ACY1: variants seen among roughly 807,000 people sequenced by gnomAD.
ACY1 encodes aminoacylase 1.
In ACY1, 38 loss-of-function variants were observed where a neutral mutation model predicts 53.3. That is an observed-to-expected ratio of 0.71 (90% CI 0.55 to 0.93). The LOEUF (loss-of-function observed/expected upper bound fraction) is 0.93. Ranked by LOEUF, ACY1 falls within the 40% of genes least tolerant of loss-of-function variation. The pLI, the probability that ACY1 is intolerant of heterozygous loss-of-function variation, is 0.00. For missense variants in ACY1, 484 were observed against 540.9 expected, an observed-to-expected ratio of 0.89 and a Z score of 1.04; for synonymous variants, 177 against 202.1, an observed-to-expected ratio of 0.88 and a Z score of 1.05.
rs780639025 is a variant in ACY1, at chr3:51,984,371, A to G, written c.94+213A>G. The G allele has an allele frequency of 3.7e-4, 231 of 619,396 alleles. 1 individual carries two copies. The highest frequency in any genetic ancestry group is 1.5e-3 in the Admixed American group (60 of 39,582). The allele number at this position is 619,396 out of a possible 1,614,324, so 38.4% of individuals were successfully genotyped here. A position where few individuals can be genotyped will look rare whatever the true frequency, so the allele number is the denominator to read the frequency against. On this transcript the variant is annotated intron_variant, in intron 2 of 14. Coordinates refer to ENST00000636358, the MANE Select transcript of ACY1 (RefSeq NM_000666.3). ...TCCCCAGAGACTCTGCTGCTGACCA[A>G]GGTTACTCCTGGCAGCTGGTTAAAG...
In ACY1 at chr3:51,986,266, C is replaced by T; in HGVS notation, c.371C>T (p.Ala124Val). The change falls in exon 6 of 15, where the codon GCT becomes GTT. Residue 124 changes from alanine (A) to valine (V), a missense_variant. Transcript: ENST00000636358. ...MKCVSIQYLEAVRRLKVEGHR... is the reference protein window; with the variant it reads ...MKCVSIQYLEVVRRLKVEGHR... ...TTATGCCCCCTCAGGTACCTGGAAG[C>T]TGTGAGGAGGCTGAAGGTGGAGGGC... 1.2e-6 allele frequency: 2 copies of T among 1,608,824 alleles called. No individual in the cohort carries two copies. The highest frequency in any genetic ancestry group is 1.7e-6 in the Non-Finnish European group (2 of 1,177,538).
At chr3:51,988,179 A>T (rs1701142653) in intron 12 of ACY1, 1 of 417,694 alleles carries the variant, frequency 2.4e-6, no homozygotes, top group Non-Finnish European at 4.5e-6. Flanking sequence ...CTTTCATATA[A>T]CCCATGTGGT....
rs1157436073 is a variant in ACY1 at position 51,988,423 on chromosome 3, G to A, written c.922-101G>A. 5.9e-6 allele frequency: 6 copies of A among 1,008,772 alleles called. No homozygotes were observed. The Admixed American group carries it at 7.4e-5, about 12-fold the overall frequency. 62.5% of individuals were successfully genotyped at this position (1,008,772 alleles called of 1,614,324 possible). A position where few individuals can be genotyped will look rare whatever the true frequency, so the allele number is the denominator to read the frequency against. ...GATGTCTGGGTAGGTGAAGGAGTGG[G>A]GGTGGGGAGGTGTTATGTACTAGGC... is the stretch of plus-strand genomic sequence containing the variant. On this transcript the variant is annotated intron_variant, in intron 12 of 14. Coordinates refer to ENST00000636358, the MANE Select transcript of ACY1 (RefSeq NM_000666.3).
At chr3:51,985,995 T>C in intron 5 of ACY1, 49 bp downstream of exon 5, 1 of 1,547,254 alleles carries the variant, frequency 6.5e-7, no homozygotes, top group East Asian at 2.3e-5. Context: ...ACTGGTCCAG[T>C]GGATTGAAGC....
intron 13 of ACY1, 36 bp downstream of exon 13, chr3:51,988,639 C>G (rs751274835): frequency 5.4e-5 from 86 of 1,603,690 alleles, no homozygotes; most frequent in Non-Finnish European, 7.3e-5. Flanking sequence ...ACAGCCCAGC[C>G]CCCTACTCCT....
chr3:51,984,245 G>C (rs1256144776), intron 2 of ACY1, 87 bp downstream of exon 2: 2 of 1,273,892 alleles, frequency 1.6e-6, no homozygotes, highest in African/African-American at 2.9e-5. Flanking sequence ...CTGTCACCCA[G>C]CTGAGCCCCA....
chr3:51,985,120 C>T (rs1398172544), intron 2 of ACY1, 87 bp from the exon 3 acceptor site: 1 of 1,347,594 alleles, frequency 7.4e-7, no homozygotes. Flanking sequence ...CAGCCCATTT[C>T]TGGGTATGCT....
rs1701164669 is a variant in ACY1, at chr3:51,988,784, T to C, written c.1020T>C (p.Pro340=). Residue 340 remains proline, a synonymous_variant, in exon 14 of 15, where the codon CCT becomes CCC. Transcript: ENST00000636358. ...CCTACAGGAACCTCACTCTGGAGCC[T>C]GAGATCATGCCTGCTGCCACTGACA... ...VCKDMNLTLE[P]EIMPAATDNR... 1.2e-6 allele frequency: 2 copies of C among 1,609,546 alleles called. No homozygotes were observed. The highest frequency in any genetic ancestry group is 1.7e-6 in the Non-Finnish European group (2 of 1,175,912).
In ACY1 at chr3:51,984,251, C is replaced by G. The variant is rs1231845855; in HGVS notation, c.94+93C>G. ...CTCCAACCCCTGTCACCCAGCTGAG[C>G]CCCACTCTGCTGTCCCAAATGGCTC... On this transcript the variant is annotated intron_variant, in intron 2 of 14. Transcript: ENST00000636358. 3.4e-6 allele frequency: 4 copies of G among 1,186,460 alleles called. No homozygotes were observed. The East Asian group carries it at 1.0e-4, about 30-fold the overall frequency. The allele number at this position is 1,186,460 out of a possible 1,614,324, so 73.5% of individuals were successfully genotyped here.
chr3:51,987,589 G>C lies in ACY1; in HGVS notation c.886G>C (p.Ala296Pro), dbSNP rs771834533. 6.2e-7 allele frequency: 1 copy of C among 1,614,132 alleles called. No individual in the cohort carries two copies. ...GGAGCAGCTGCAGAGCTGGTGCCAG[G>C]CAGCTGGCGAGGGGGTCACCCTAGA... is the stretch of plus-strand genomic sequence containing the variant. ...FEEQLQSWCQ[A>P]AGEGVTLEFA... The change falls in exon 12 of 15, where the codon GCA becomes CCA. Residue 296 changes from alanine (A) to proline (P), a missense_variant. Coordinates refer to ENST00000636358, the MANE Select transcript of ACY1 (RefSeq NM_000666.3).
Position 51,984,083 on chromosome 3 carries a change from G to T in ACY1, c.19G>T (p.Glu7Ter). MTSKGP[E>*]EEHPSVTLFR... is the part of the protein sequence containing the mutation. Reference sequence around the variant, plus strand: ...CAGCGCCATGACCAGCAAGGGTCCCGAGGAGGAGCACCCATCGGTGACGCT... The same window carrying T: ...CAGCGCCATGACCAGCAAGGGTCCCTAGGAGGAGCACCCATCGGTGACGCT... Residue 7 changes from glutamate to a stop codon, truncating the protein, a stop_gained, in exon 2 of 15, where the codon GAG becomes TAG. Coordinates refer to ENST00000636358, the MANE Select transcript of ACY1 (RefSeq NM_000666.3). LOFTEE classifies it high-confidence loss of function. The T allele has an allele frequency of 6.2e-7, 1 of 1,613,488 alleles. No homozygotes were observed.
In ACY1 at chr3:51,985,601, C is replaced by T. The variant is rs1021261854; in HGVS notation, c.264+136C>T. ...AACTCTCAACATCCTTATGACATTA[C>T]ACCACTCAAGCAGCCTTCATCCAGC... is the stretch of plus-strand genomic sequence containing the variant. On this transcript the variant is annotated intron_variant, in intron 4 of 14. Coordinates refer to ENST00000636358, the MANE Select transcript of ACY1 (RefSeq NM_000666.3). 7 of 901,562 alleles carry T rather than the reference C, an allele frequency of 7.8e-6. No individual in the cohort carries two copies. The East Asian group carries it at 1.6e-4, about 20-fold the overall frequency. 55.8% of individuals were successfully genotyped at this position (901,562 alleles called of 1,614,324 possible).
At chr3:51,986,931 G>T in intron 8 of ACY1, 57 bp from the exon 9 acceptor site, 1 of 1,581,920 alleles carries the variant, frequency 6.3e-7, no homozygotes, top group African/African-American at 1.3e-5. Context: ...ACCCCAGGCT[G>T]ATTGTGTCTC....
At position 51,984,145 on chromosome 3, in the gene ACY1, C is replaced by G. The variant is rs141824939; in HGVS notation, c.81C>G (p.Pro27=). The change falls in exon 2 of 15, where the codon CCC becomes CCG. Residue 27 remains proline, a synonymous_variant. Coordinates refer to ENST00000636358, the MANE Select transcript of ACY1 (RefSeq NM_000666.3). ...RQYLRIRTVQ[P]KPDYGAAVAF... is the part of the protein sequence containing the mutation. ...ACCTGCGTATCCGCACTGTCCAGCC[C>G]AAGCCTGACTATGGTGAGAAGACGG... 4,793 of 1,613,960 alleles carry G rather than the reference C, an allele frequency of 3.0e-3. 15 individuals are homozygous for G. Among genetic ancestry groups the G allele is most frequent in the Non-Finnish European group, 3.0e-3 (3,588 of 1,179,992 alleles).
chr3:51,986,859 G>T, intron 8 of ACY1, 129 bp from the exon 9 acceptor site: 1 of 1,247,582 alleles, frequency 8.0e-7, no homozygotes. Flanking sequence ...TGTATGCTAC[G>T]GGCCCTGAGT....
Position 51,986,671 on chromosome 3 carries a change from A to G in ACY1, c.583+10A>G. ...GAGCGGAGTCCCTGGTGTAAGTATG[A>G]GCTTGGAGGGAGGGCTCACTCTACA... On this transcript the variant is annotated intron_variant, in intron 8 of 14. Transcript: ENST00000636358. 1 of 1,613,654 alleles carries G rather than the reference A, an allele frequency of 6.2e-7. No homozygotes were observed. Among genetic ancestry groups the G allele is most frequent in the Non-Finnish European group, 8.5e-7 (1 of 1,179,942 alleles).
In ACY1 at chr3:51,987,343, G is replaced by A. The variant is rs1335593607; in HGVS notation, c.742G>A (p.Val248Met). The A allele has an allele frequency of 6.8e-6, 11 of 1,613,974 alleles. No individual in the cohort carries two copies. Among genetic ancestry groups the A allele is most frequent in the African/African-American group, 4.0e-5 (3 of 74,934 alleles). The change falls in exon 11 of 15, where the codon GTG (valine) becomes ATG (methionine). Residue 248 changes from valine to methionine, a missense_variant. Coordinates refer to ENST00000636358, the MANE Select transcript of ACY1 (RefSeq NM_000666.3). ...AAACCCCCACCTGAAAGAGGGGTCC[G>A]TGACCTCCGTGAACCTGACTAAGCT... ...QSNPHLKEGSVTSVNLTKLEG... is the reference protein window; with the variant it reads ...QSNPHLKEGSMTSVNLTKLEG...
rs121912700 is a variant in ACY1, at chr3:51,986,993, C to T, written c.589C>T (p.Arg197Trp). The T allele has an allele frequency of 1.9e-5, 30 of 1,612,300 alleles. No individual in the cohort carries two copies. The highest frequency in any genetic ancestry group is 2.7e-5 in the African/African-American group (2 of 74,868). ...FYSERSPWWV[R>W]VTSTGRPGHA... ...TTCCCCCTACACCTCCCCAGGGGTG[C>T]GGGTTACCAGCACTGGGAGGCCAGG... The change falls in exon 9 of 15, where the codon CGG becomes TGG. Residue 197 changes from arginine (R) to tryptophan (W), a missense_variant. Arg to Trp is a moderately radical substitution (Grantham distance 101). Coordinates refer to ENST00000636358, the MANE Select transcript of ACY1 (RefSeq NM_000666.3).
chr3:51,988,396 C>A, intron 12 of ACY1, 128 bp from the exon 13 acceptor site: 2 of 838,900 alleles, frequency 2.4e-6, no homozygotes, highest in Non-Finnish European at 4.1e-6. Flanking sequence ...ACTGGCTACC[C>A]AGATGTCTGG....
Sources: allele counts gnomAD v4.1 joint callset, GRCh38; gene constraint gnomAD v4.1.1; transcripts MANE v1.5; gene names NCBI Gene and HGNC (gene_info 2026-07-23, HGNC 2026-07-21).